Variants in CTNNA2 observed in about 807,000 individuals in gnomAD.
The protein encoded by CTNNA2 is catenin alpha-2.
Under a neutral mutation model 101.0 loss-of-function variants are expected in CTNNA2, and 42 were observed. The observed-to-expected ratio is 0.42, with a 90% CI of 0.32 to 0.54. CTNNA2 has a LOEUF of 0.54. Among genes scored for constraint, CTNNA2 ranks in the 20% least tolerant of loss-of-function variants. The pLI is 0.14. For missense variants in CTNNA2, 871 were observed against 1,223.1 expected (o/e 0.71, Z 4.29); for synonymous variants, 450 against 456.4 (o/e 0.99, Z 0.18).
chr2:79,715,536 G>T (rs928592178), intron 2 of CTNNA2, among the ~76,000 whole-genome samples: 7 of 152,214 alleles, frequency 4.6e-5, no homozygotes, highest in Non-Finnish European at 7.4e-5. Flanking sequence ...GAAATCAGGG[G>T]ACATCTATAG....
At chr2:79,776,877 AT>A (rs1486159682) in intron 3 of CTNNA2, 1 of 152,138 alleles carries the variant, frequency 6.6e-6, no homozygotes, top group Non-Finnish European at 1.5e-5. Flanking sequence ...CAATTTCTAT[AT>A]GTTTCTTTCT....
intron 7 of CTNNA2, among the ~76,000 whole-genome samples, chr2:79,962,842 C>CG (rs1285679317): frequency 6.6e-6 from 1 of 152,012 alleles, no homozygotes; most frequent in Non-Finnish European, 1.5e-5. Flanking sequence ...GAGGCCGAGG[C>CG]GGGCGGATCA....
upstream of CTNNA2, among the ~76,000 whole-genome samples, chr2:79,511,324 T>C (rs1311401671): frequency 6.6e-6 from 1 of 152,210 alleles, no homozygotes; most frequent in Non-Finnish European, 1.5e-5. Context: ...TGCTTCAAAA[T>C]TCAGCTGAAG....
At chr2:79,533,668 G>A (rs927631762) in intron 1 of CTNNA2, among the ~76,000 whole-genome samples, 5 of 152,214 alleles carry the variant, frequency 3.3e-5, no homozygotes, top group Non-Finnish European at 1.5e-5. Flanking sequence ...GAGATCTAGA[G>A]GAGCACCTAT....
At chr2:80,166,695 G>A (rs1290166006) in intron 7 of CTNNA2, among the ~76,000 whole-genome samples, 1 of 152,148 alleles carries the variant, frequency 6.6e-6, no homozygotes, top group Non-Finnish European at 1.5e-5. Flanking sequence ...TCACAGTCTG[G>A]GGCTTGTGAT....
intron 7 of CTNNA2, among the ~76,000 whole-genome samples, chr2:79,994,389 G>T (rs4143779): frequency 6.6e-6 from 1 of 152,116 alleles, no homozygotes; most frequent in African/African-American, 2.4e-5. Context: ...GTACTTTGTC[G>T]CTTGTTTCCT....
At chr2:80,363,185 ATT>A (rs1674584742) in intron 7 of CTNNA2, among the ~76,000 whole-genome samples, 1 of 152,104 alleles carries the variant, frequency 6.6e-6, no homozygotes, top group African/African-American at 2.4e-5. Context: ...CAAGAAATGA[ATT>A]TAGATATGGT....
intron 17 of CTNNA2, among the ~76,000 whole-genome samples, chr2:80,618,535 G>A (rs1449410655): frequency 6.6e-6 from 1 of 151,868 alleles, no homozygotes; most frequent in African/African-American, 2.4e-5. Context: ...AGTTGCAATT[G>A]TAGCAACAAT....
intron 9 of CTNNA2, among the ~76,000 whole-genome samples, chr2:80,465,552 C>T (rs986625723): frequency 1.3e-5 from 2 of 152,116 alleles, no homozygotes; most frequent in Non-Finnish European, 2.9e-5. Flanking sequence ...TTCTTCCACT[C>T]CTTTTGGAGG....
intron 9 of CTNNA2, among the ~76,000 whole-genome samples, chr2:80,541,699 C>T (rs1691568993): frequency 6.6e-6 from 1 of 151,794 alleles, no homozygotes; most frequent in South Asian, 2.1e-4. Flanking sequence ...TATGCTGTGA[C>T]TGACAGAGTC....
At chr2:80,255,664 C>T (rs1232880944) in intron 7 of CTNNA2, among the ~76,000 whole-genome samples, 1 of 152,122 alleles carries the variant, frequency 6.6e-6, no homozygotes, top group African/African-American at 2.4e-5. Context: ...AATAAAAGAT[C>T]CCACATTTCC....
rs145157669 is a variant in CTNNA2, at chr2:80,290,777, G to A, written c.1057-102434G>A. Among the ~76,000 whole-genome samples the A allele has an allele frequency of 3.8e-4, 58 of 152,080 alleles. 2 individuals are homozygous for A. In the East Asian group the frequency reaches 9.3e-3, roughly 24 times the overall value. On this transcript the variant is annotated intron_variant, in intron 7 of 18. Coordinates refer to ENST00000402739, the MANE Select transcript of CTNNA2 (RefSeq NM_001282597.3). ...CATTTTGCTCTTGTTGTGAATGCCT[G>A]GTGTAGCTCATAACTATGAATTCGG...
chr2:79,328,203 G>C (rs978300440), intron 3 of CTNNA2, among the ~76,000 whole-genome samples: 2 of 152,152 alleles, frequency 1.3e-5, no homozygotes, highest in African/African-American at 4.8e-5. Context: ...AAAAGGTAAA[G>C]GTGGAAGACA....
intron 13 of CTNNA2, 67 bp downstream of exon 13, chr2:80,574,381 CTTAT>C (rs1694863622): frequency 6.9e-7 from 1 of 1,443,240 alleles, no homozygotes; most frequent in South Asian, 1.6e-5. Flanking sequence ...AGCTAACTGT[CTTAT>C]TTATTATTTA....
At chr2:79,466,289 G>A (rs998076426) in intron 4 of CTNNA2, among the ~76,000 whole-genome samples, 83 of 152,320 alleles carry the variant, frequency 5.4e-4, no homozygotes, top group African/African-American at 1.9e-3. Flanking sequence ...TGCTAGCACA[G>A]CAGTCTGAGA....
chr2:80,001,205 T>C (rs1375437744), intron 7 of CTNNA2, among the ~76,000 whole-genome samples: 3 of 152,174 alleles, frequency 2.0e-5, no homozygotes, highest in Non-Finnish European at 4.4e-5. Flanking sequence ...GTGTCACCAG[T>C]GGAACTCTGC....
intron 2 of CTNNA2, among the ~76,000 whole-genome samples, chr2:79,731,523 C>T (rs142643381): frequency 6.6e-6 from 1 of 152,024 alleles, no homozygotes; most frequent in Non-Finnish European, 1.5e-5. Flanking sequence ...GGCTACCCAC[C>T]AGAACTATTT....
chr2:79,582,419 AT>A (rs1676204965), intron 1 of CTNNA2, among the ~76,000 whole-genome samples: 2 of 152,112 alleles, frequency 1.3e-5, no homozygotes, highest in Non-Finnish European at 1.5e-5. Flanking sequence ...AAACTTTACC[AT>A]GTTTTAGATG....
rs529525006 is a variant in CTNNA2, at chr2:80,329,933, C to G, written c.1057-63278C>G. On this transcript the variant is annotated intron_variant, in intron 7 of 18. Transcript: ENST00000402739. ...GAGGATTGATTAGCAAGCATGACCT[C>G]CCACCTGTTATAACTGGCTTATGGC... 1.4e-4 allele frequency among the ~76,000 whole-genome samples: 21 copies of G among 152,350 alleles called. 1 individual carries two copies. The South Asian group carries it at 3.9e-3, about 29-fold the overall frequency.
Sources: gnomAD v4.1 joint callset for allele counts (sites outside exome capture counted in the v4.1 genomes callset) on GRCh38, gnomAD v4.1.1 for gene constraint, MANE v1.5 for transcripts, NCBI Gene and HGNC (gene_info 2026-07-23, HGNC 2026-07-21) for gene names.